Variants in BICC1 observed in about 807,000 individuals in gnomAD.
The protein encoded by BICC1 is protein bicaudal C homolog 1.
BICC1 carries 43 observed loss-of-function variants against 111.0 expected under a neutral mutation model. The observed-to-expected ratio is 0.39, with a 90% CI of 0.30 to 0.50. The LOEUF is 0.50. BICC1 is among the 20% of genes least tolerant of loss of function. The pLI, the probability that BICC1 is intolerant of heterozygous loss-of-function variation, is 0.88. For synonymous variants in BICC1, 467 were observed against 434.4 expected (o/e 1.07, Z -0.93); for missense variants, 1,091 against 1,203.2 (o/e 0.91, Z 1.38).
intron 17 of BICC1, among the ~76,000 whole-genome samples, chr10:58,812,563 C>T (rs1251859760): frequency 3.3e-5 from 5 of 151,612 alleles, no homozygotes; most frequent in African/African-American, 4.8e-5. Flanking sequence ...TTGCAACCTC[C>T]GCCTCCTGGG....
chr10:58,513,203 C>G lies in BICC1; in HGVS notation c.60C>G (p.Ser20Arg). 6.2e-7 allele frequency: 1 copy of G among 1,602,298 alleles called. No individual in the cohort carries two copies. The part of the protein sequence containing the change: ...LAAQSDPGSN[S>R]ERSTDSPVPG... ...CGCAGTCGGACCCCGGCTCCAACAG[C>G]GAGCGCAGCACCGACTCCCCAGTGC... is the stretch of plus-strand genomic sequence containing the variant. Residue 20 changes from serine (S) to arginine (R), a missense_variant, in exon 1 of 21, where the codon AGC becomes AGG. By Grantham distance (110) the Ser-to-Arg change is moderately radical. This residue lies in a region of BICC1 where 843 missense variants were observed against 900.8 expected (regional missense o/e 0.94). Coordinates refer to ENST00000373886, the MANE Select transcript of BICC1 (RefSeq NM_001080512.3).
intron 1 of BICC1, among the ~76,000 whole-genome samples, chr10:58,533,347 A>T (rs1842731012): frequency 6.6e-6 from 1 of 151,898 alleles, no homozygotes; most frequent in South Asian, 2.1e-4. Flanking sequence ...TAATAATGTA[A>T]AAAAGACTGC....
In BICC1 at chr10:58,648,673, C is replaced by T. The variant is rs1012267430; in HGVS notation, c.237+27772C>T. The T allele has an allele frequency of 2.7e-5, 27 of 984,072 alleles. No homozygotes were observed. The African/African-American group carries it at 4.2e-4, about 15-fold the overall frequency. 61.0% of individuals were successfully genotyped at this position (984,072 alleles called of 1,614,324 possible). A position where few individuals can be genotyped will look rare whatever the true frequency, so the allele number is the denominator to read the frequency against. The stretch of plus-strand genomic sequence containing the variant: ...CTTTAGGCATCAGAACGCTAAGGTA[C>T]AGAATGCCTCTACACTGTTGGAAAT... On this transcript the variant is annotated intron_variant, in intron 2 of 20. Transcript: ENST00000373886.
intron 1 of BICC1, among the ~76,000 whole-genome samples, chr10:58,540,080 T>C (rs1388916249): frequency 6.6e-6 from 1 of 151,806 alleles, no homozygotes; most frequent in East Asian, 1.9e-4. Context: ...GAAAAATGAA[T>C]ATGAAAACAC....
intron 2 of BICC1, among the ~76,000 whole-genome samples, chr10:58,696,992 C>T (rs1330650820): frequency 6.6e-6 from 1 of 152,096 alleles, no homozygotes; most frequent in Non-Finnish European, 1.5e-5. Flanking sequence ...TTGGCATTCT[C>T]TAATTTAACT....
intron 2 of BICC1, 77 bp from the exon 3 acceptor site, chr10:58,701,996 CT>C: frequency 1.8e-6 from 2 of 1,087,100 alleles, no homozygotes; most frequent in Non-Finnish European, 2.7e-6. Flanking sequence ...TGAAAATAAA[CT>C]TTTTTGTGTG....
At chr10:58,759,269 A>T (rs947561204) in intron 3 of BICC1, among the ~76,000 whole-genome samples, 1 of 152,070 alleles carries the variant, frequency 6.6e-6, no homozygotes, top group African/African-American at 2.4e-5. Context: ...CTGATCATTA[A>T]AATATTTAAG....
At chr10:58,638,819 C>G (rs1838026647) in intron 2 of BICC1, among the ~76,000 whole-genome samples, 1 of 152,136 alleles carries the variant, frequency 6.6e-6, no homozygotes, top group African/African-American at 2.4e-5. Flanking sequence ...AGCATATGGT[C>G]TCTAAAGCTT....
intron 3 of BICC1, among the ~76,000 whole-genome samples, chr10:58,708,015 T>TTTTGTATTTTTA (rs56958435): frequency 6.9e-6 from 1 of 145,350 alleles, no homozygotes; most frequent in South Asian, 2.2e-4. Context: ...TTTTTTTTTT[T>TTTTGTATTTTTA]GTATTTTTAG....
intron 1 of BICC1, among the ~76,000 whole-genome samples, chr10:58,533,110 G>A (rs1842724805): frequency 6.6e-6 from 1 of 151,942 alleles, no homozygotes; most frequent in South Asian, 2.1e-4. Context: ...AGTGTTTTGA[G>A]AAACCCAAAG....
At chr10:58,644,205 G>A (rs1302237794) in intron 2 of BICC1, among the ~76,000 whole-genome samples, 3 of 152,144 alleles carry the variant, frequency 2.0e-5, no homozygotes, top group African/African-American at 7.2e-5. Context: ...TACCTATAAT[G>A]TTTTAAGCAT....
At chr10:58,541,930 G>C (rs1406560920) in intron 1 of BICC1, among the ~76,000 whole-genome samples, 1 of 151,942 alleles carries the variant, frequency 6.6e-6, no homozygotes, top group Non-Finnish European at 1.5e-5. Flanking sequence ...TGGGCAGATC[G>C]TTTGAGATCA....
chr10:58,650,595 A>G (rs770690728), intron 2 of BICC1: 2 of 152,166 alleles, frequency 1.3e-5, no homozygotes, highest in Non-Finnish European at 2.9e-5. Flanking sequence ...CATTGGCTAC[A>G]CTATTCTTAT....
intron 3 of BICC1, among the ~76,000 whole-genome samples, chr10:58,763,013 T>C (rs991464316): frequency 6.6e-6 from 1 of 151,984 alleles, no homozygotes; most frequent in African/African-American, 2.4e-5. Flanking sequence ...TTTGTTGTTT[T>C]AAGGCCCTGT....
intron 1 of BICC1, among the ~76,000 whole-genome samples, chr10:58,619,714 C>T (rs1278379190): frequency 1.3e-5 from 2 of 152,120 alleles, no homozygotes; most frequent in Non-Finnish European, 2.9e-5. Context: ...ACCTTGTGAT[C>T]CGTCTGCCTC....
chr10:58,726,677 G>A (rs903707735), intron 3 of BICC1, among the ~76,000 whole-genome samples: 1 of 152,172 alleles, frequency 6.6e-6, no homozygotes, highest in Non-Finnish European at 1.5e-5. Context: ...TCCTGTGTCT[G>A]TTACTTACAT....
At chr10:58,782,677 A>G (rs1842912143) in intron 3 of BICC1, among the ~76,000 whole-genome samples, 1 of 152,084 alleles carries the variant, frequency 6.6e-6, no homozygotes, top group South Asian at 2.1e-4. Flanking sequence ...GCTCTTTAAA[A>G]CCTGATTGAA....
chr10:58,648,586 T>C (rs201080556), intron 2 of BICC1: 1 of 858,710 alleles, frequency 1.2e-6, no homozygotes, highest in Non-Finnish European at 1.4e-6. Flanking sequence ...GTTTAGTGCC[T>C]CTCTCTCTCT....
chr10:58,525,039 A>G (rs991594567), intron 1 of BICC1, among the ~76,000 whole-genome samples: 1 of 147,988 alleles, frequency 6.8e-6, no homozygotes, highest in African/African-American at 2.5e-5. Context: ...TTAGAATGGC[A>G]GTCATTAAAA....
Sources: gnomAD v4.1 joint callset for allele counts (sites outside exome capture counted in the v4.1 genomes callset) on GRCh38, gnomAD v4.1.1 for gene constraint, gnomAD v4.1.1 regional missense constraint, MANE v1.5 for transcripts, NCBI Gene and HGNC (gene_info 2026-07-23, HGNC 2026-07-21) for gene names.